The following NKAIN3 variants were observed in gnomAD, a reference collection of about 807,000 sequenced individuals.
NKAIN3 encodes sodium/potassium-transporting ATPase subunit beta-1-interacting protein 3.
NKAIN3 carries 25 observed loss-of-function variants against 30.2 expected under a neutral mutation model. The observed-to-expected ratio is 0.83, with a 90% CI of 0.60 to 1.16. The LOEUF is 1.16. Among genes scored for constraint, NKAIN3 ranks in the 50% most tolerant of loss-of-function variants. The pLI, the probability that NKAIN3 is intolerant of heterozygous loss-of-function variation, is 0.00. For missense variants in NKAIN3, 225 were observed against 254.1 expected (o/e 0.89, Z 0.78); for synonymous variants, 91 against 89.6 (o/e 1.02, Z -0.09).
intron 4 of NKAIN3, among the ~76,000 whole-genome samples, chr8:62,789,413 T>C (rs958564693): frequency 1.3e-5 from 2 of 152,184 alleles, no homozygotes; most frequent in Non-Finnish European, 2.9e-5. Flanking sequence ...AAGTTGCTTA[T>C]CAGCTTAAGG....
intron 1 of NKAIN3, among the ~76,000 whole-genome samples, chr8:62,500,474 AAAGAAAGAAAGAAGAAAAG>A (rs1563427450): frequency 1.2e-4 from 17 of 145,192 alleles, no homozygotes; most frequent in Admixed American, 3.4e-4. Context: ...AGAAAGAAAG[AAAGAAAGAAAGAAGAAAAG>A]AAAGAAAGAA....
At chr8:62,683,238 G>A (rs1266086255) in intron 3 of NKAIN3, among the ~76,000 whole-genome samples, 1 of 152,078 alleles carries the variant, frequency 6.6e-6, no homozygotes, top group Non-Finnish European at 1.5e-5. Context: ...GTTTCACCGT[G>A]TTAACCAGGA....
intron 1 of NKAIN3, among the ~76,000 whole-genome samples, chr8:62,273,147 T>C (rs370562308): frequency 6.6e-6 from 1 of 152,230 alleles, no homozygotes; most frequent in African/African-American, 2.4e-5. Context: ...TTTGCTGATC[T>C]TTGTTCTATA....
intron 4 of NKAIN3, among the ~76,000 whole-genome samples, chr8:62,773,135 T>G (rs1481277734): frequency 6.6e-6 from 1 of 152,164 alleles, no homozygotes; most frequent in East Asian, 1.9e-4. Flanking sequence ...TTGCCCAGTC[T>G]AATGTCTTGG....
chr8:62,907,329 A>G (rs181288124), intron 4 of NKAIN3, among the ~76,000 whole-genome samples: 13 of 152,330 alleles, frequency 8.5e-5, no homozygotes, highest in Admixed American at 3.3e-4. Flanking sequence ...ATTGGAACTT[A>G]TGTTTAAAAG....
At chr8:62,881,805 C>G (rs916414423) in intron 4 of NKAIN3, among the ~76,000 whole-genome samples, 1 of 152,202 alleles carries the variant, frequency 6.6e-6, no homozygotes, top group Admixed American at 6.5e-5. Flanking sequence ...TTCTAAGAAA[C>G]TGCCAAACTG....
chr8:62,713,994 T>C (rs943504337), intron 3 of NKAIN3, among the ~76,000 whole-genome samples: 1 of 152,192 alleles, frequency 6.6e-6, no homozygotes, highest in African/African-American at 2.4e-5. Context: ...TCCTTAAGGA[T>C]GTAACATTAG....
chr8:62,374,717 A>G (rs1186509293), intron 1 of NKAIN3, among the ~76,000 whole-genome samples: 1 of 152,228 alleles, frequency 6.6e-6, no homozygotes, highest in Non-Finnish European at 1.5e-5. Context: ...AGATTGAAGT[A>G]AATCTGACAA....
intron 1 of NKAIN3, among the ~76,000 whole-genome samples, chr8:62,485,372 A>G (rs995506226): frequency 1.3e-5 from 2 of 152,210 alleles, no homozygotes; most frequent in Non-Finnish European, 2.9e-5. Context: ...TTTCACCACA[A>G]TGAGTGGAAA....
At chr8:62,259,129 GA>G (rs1274424320) in intron 1 of NKAIN3, among the ~76,000 whole-genome samples, 1 of 152,072 alleles carries the variant, frequency 6.6e-6, no homozygotes, top group Non-Finnish European at 1.5e-5. Flanking sequence ...TGCAATGGGA[GA>G]ATAAATATAT....
intron 4 of NKAIN3, among the ~76,000 whole-genome samples, chr8:62,826,770 T>C (rs547749031): frequency 6.6e-6 from 1 of 152,334 alleles, no homozygotes; most frequent in South Asian, 2.1e-4. Flanking sequence ...TTATTGGAAA[T>C]ACAATGCTCT....
At chr8:62,470,829 GCA>G (rs939716943) in intron 1 of NKAIN3, among the ~76,000 whole-genome samples, 28 of 151,512 alleles carry the variant, frequency 1.8e-4, no homozygotes, top group African/African-American at 6.1e-4. Context: ...TGGCCTAAAT[GCA>G]GTTAAAAAAA....
chr8:62,905,851 C>T (rs1251992241), intron 4 of NKAIN3, among the ~76,000 whole-genome samples: 3 of 152,178 alleles, frequency 2.0e-5, no homozygotes, highest in Non-Finnish European at 4.4e-5. Context: ...CCATGGACCC[C>T]TTCTCTGACT....
intron 1 of NKAIN3, among the ~76,000 whole-genome samples, chr8:62,281,315 CA>C (rs1421129528): frequency 6.6e-6 from 1 of 151,900 alleles, no homozygotes; most frequent in Non-Finnish European, 1.5e-5. Context: ...TTGATCTTTT[CA>C]AAAAACCAGC....
intron 5 of NKAIN3, among the ~76,000 whole-genome samples, chr8:62,928,130 T>A (rs1199914306): frequency 2.0e-5 from 3 of 152,168 alleles, no homozygotes; most frequent in Non-Finnish European, 4.4e-5. Flanking sequence ...AAATGAGATA[T>A]TAGGGAGTAT....
chr8:62,645,059 C>T (rs1175877307), intron 3 of NKAIN3, among the ~76,000 whole-genome samples: 1 of 152,068 alleles, frequency 6.6e-6, no homozygotes, highest in Non-Finnish European at 1.5e-5. Flanking sequence ...TTATCTGTCA[C>T]CTAAGTCAAA....
At chr8:62,704,534 C>T (rs1814455016) in intron 3 of NKAIN3, among the ~76,000 whole-genome samples, 1 of 152,060 alleles carries the variant, frequency 6.6e-6, no homozygotes, top group African/African-American at 2.4e-5. Flanking sequence ...GTTGTAGGCT[C>T]ATATGTAAAA....
intron 3 of NKAIN3, among the ~76,000 whole-genome samples, chr8:62,689,355 T>C (rs10107976): frequency 0.27 from 41,732 of 151,948 alleles, 8,649 homozygotes; most frequent in African/African-American, 0.58. Context: ...TCCCTCCTTC[T>C]GCACACTTCA....
intron 4 of NKAIN3, among the ~76,000 whole-genome samples, chr8:62,844,942 A>C (rs1294512474): frequency 6.6e-6 from 1 of 151,982 alleles, no homozygotes; most frequent in Non-Finnish European, 1.5e-5. Context: ...AGGGGCCCCT[A>C]GTGCTCTGCA....
Sources: allele counts gnomAD v4.1 joint callset (sites outside exome capture counted in the v4.1 genomes callset), GRCh38; gene constraint gnomAD v4.1.1; transcripts MANE v1.5; gene names NCBI Gene and HGNC (gene_info 2026-07-23, HGNC 2026-07-21).